The following SHCBP1L variants were observed in gnomAD, a reference collection of about 807,000 sequenced individuals.
SHCBP1L encodes the protein SHC binding and spindle associated 1 like.
SHCBP1L carries 67 observed loss-of-function variants against 62.5 expected under a neutral mutation model. The ratio of observed to expected loss-of-function variants is 1.07; its 90% CI spans 0.88 to 1.31. The LOEUF (loss-of-function observed/expected upper bound fraction) is 1.31, where lower values mean the gene tolerates loss of function less well. Among genes scored for constraint, SHCBP1L ranks in the 40% most tolerant of loss-of-function variants. SHCBP1L has a pLI of 0.00. For missense variants in SHCBP1L, 823 were observed against 809.8 expected (o/e 1.02, Z -0.20); for synonymous variants, 284 against 289.4 (o/e 0.98, Z 0.19).
At chr1:182,924,906 A>AG (rs1491398014) in intron 6 of SHCBP1L, among the ~76,000 whole-genome samples, 1,794 of 121,610 alleles carry the variant, frequency 0.015, 64 homozygotes, top group African/African-American at 0.054. Context: ...AGAGAGAGAG[A>AG]AAGAAAGGAA....
At chr1:182,924,497 C>T (rs1398316649) in intron 6 of SHCBP1L, among the ~76,000 whole-genome samples, 1 of 151,300 alleles carries the variant, frequency 6.6e-6, no homozygotes, top group Non-Finnish European at 1.5e-5. Flanking sequence ...CGGGTTTCAC[C>T]GTGTTAGCCA....
At chr1:182,928,528 T>C (rs1411375904) in intron 6 of SHCBP1L, among the ~76,000 whole-genome samples, 2 of 152,026 alleles carry the variant, frequency 1.3e-5, no homozygotes, top group Non-Finnish European at 1.5e-5. Flanking sequence ...AATATTTAAA[T>C]CAAGACCTGA....
At chr1:182,908,349 TGTAA>T (rs139117034) in intron 6 of SHCBP1L, among the ~76,000 whole-genome samples, 6,722 of 152,260 alleles carry the variant, frequency 0.044, 227 homozygotes, top group South Asian at 0.14. Flanking sequence ...AGCTCCTGCT[TGTAA>T]GTGAGAACAT....
At chr1:182,915,105 TG>T (rs1416595019) in intron 6 of SHCBP1L, among the ~76,000 whole-genome samples, 1 of 128,720 alleles carries the variant, frequency 7.8e-6, no homozygotes, top group Non-Finnish European at 1.5e-5. Context: ...GAAGTTGCAG[TG>T]AGCTGAGATC....
chr1:182,951,702 C>G (rs960542132), intron 1 of SHCBP1L, among the ~76,000 whole-genome samples: 23 of 152,090 alleles, frequency 1.5e-4, no homozygotes, highest in African/African-American at 5.1e-4. Context: ...ATAGATAAGA[C>G]AGCTAGTTAT....
At position 182,945,730 on chromosome 1, in the gene SHCBP1L, T is replaced by C. The variant is rs140210614; in HGVS notation, c.556-5187A>G. On this transcript the variant is annotated intron_variant, in intron 2 of 9. Transcript: ENST00000367547. Reference sequence around the variant, plus strand: ...TCACTTTCCCTAAAATTTTTGAAAATACATTTTCATAGCTTTTTAAAACTA... The same window carrying C: ...TCACTTTCCCTAAAATTTTTGAAAACACATTTTCATAGCTTTTTAAAACTA... 5.6e-3 allele frequency among the ~76,000 whole-genome samples: 846 copies of C among 152,308 alleles called. 20 individuals carry two copies. The highest frequency in any genetic ancestry group is 0.048 in the Admixed American group (732 of 15,302).
At chr1:182,916,167 A>G (rs1650351357) in intron 6 of SHCBP1L, among the ~76,000 whole-genome samples, 1 of 152,224 alleles carries the variant, frequency 6.6e-6, no homozygotes, top group Admixed American at 6.6e-5. Flanking sequence ...ATCTGAAGAT[A>G]CTTTGAGATA....
intron 6 of SHCBP1L, among the ~76,000 whole-genome samples, chr1:182,916,508 G>A (rs902971602): frequency 6.6e-6 from 1 of 152,012 alleles, no homozygotes; most frequent in Non-Finnish European, 1.5e-5. Flanking sequence ...AGATATGAAG[G>A]TAGATACATT....
chr1:182,951,437 AT>A lies in SHCBP1L; in HGVS notation c.435del (p.Lys145AsnfsTer7). On this transcript the variant is annotated frameshift_variant, in exon 2 of 10. Coordinates refer to ENST00000367547, the MANE Select transcript of SHCBP1L (RefSeq NM_030933.4). LOFTEE classifies it high-confidence loss of function. ...KAEDADEVMG[K>X]YLSEKLKLKD... Reference sequence around the variant, plus strand: ...TTCAACTTTAATTTTTCTGATAGGTATTTACCCATAACTTCATCAGCATCTT... The same window carrying A: ...TTCAACTTTAATTTTTCTGATAGGTATTACCCATAACTTCATCAGCATCTT... 1 of 1,602,322 alleles carries A rather than the reference AT, an allele frequency of 6.2e-7. No homozygotes were observed. The highest frequency in any genetic ancestry group is 1.3e-5 in the African/African-American group (1 of 74,822).
chr1:182,910,714 C>T (rs964549143), intron 6 of SHCBP1L, among the ~76,000 whole-genome samples: 5 of 152,204 alleles, frequency 3.3e-5, no homozygotes, highest in African/African-American at 4.8e-5. Context: ...CAAGAAGAAC[C>T]TAGGCTTGCA....
At chr1:182,924,707 A>G (rs1232201375) in intron 6 of SHCBP1L, among the ~76,000 whole-genome samples, 57 of 37,398 alleles carry the variant, frequency 1.5e-3, no homozygotes, top group African/African-American at 0.011. Context: ...AAAGGAAGAA[A>G]GAAAGAAAGA....
intron 5 of SHCBP1L, among the ~76,000 whole-genome samples, chr1:182,931,287 A>G (rs2101943690): frequency 6.6e-6 from 1 of 152,172 alleles, no homozygotes. Flanking sequence ...TAGCTGCTCC[A>G]AAAGTAAGAC....
intron 5 of SHCBP1L, among the ~76,000 whole-genome samples, chr1:182,934,705 T>C (rs982214309): frequency 6.6e-6 from 1 of 152,150 alleles, no homozygotes; most frequent in African/African-American, 2.4e-5. Context: ...ATGACTTTTT[T>C]CTCTCACATA....
intron 5 of SHCBP1L, 93 bp downstream of exon 5, chr1:182,939,083 C>A: frequency 2.0e-6 from 2 of 985,378 alleles, no homozygotes; most frequent in Non-Finnish European, 3.0e-6. Context: ...TTATACTTCA[C>A]TTTAATCAGA....
At chr1:182,902,216 A>AT (rs1476026946) in intron 9 of SHCBP1L, among the ~76,000 whole-genome samples, 8 of 151,294 alleles carry the variant, frequency 5.3e-5, no homozygotes, top group Admixed American at 3.3e-4. Flanking sequence ...CGGTTGGCTA[A>AT]TTTTTTTTGT....
chr1:182,951,412 T>C lies in SHCBP1L; in HGVS notation c.461A>G (p.Lys154Arg). 2 of 1,609,386 alleles carry C rather than the reference T, an allele frequency of 1.2e-6. No homozygotes were observed. Among genetic ancestry groups the C allele is most frequent in the Non-Finnish European group, 1.7e-6 (2 of 1,177,472 alleles). Residue 154 changes from lysine (K) to arginine (R), a missense_variant, in exon 2 of 10, where the codon AAA becomes AGA. Transcript: ENST00000367547. ...CTTCCAGACTCCAAGCCATTTGTCT[T>C]TCAACTTTAATTTTTCTGATAGGTA... ...GKYLSEKLKL[K>R]DKWLGVWKTN...
intron 6 of SHCBP1L, among the ~76,000 whole-genome samples, chr1:182,922,552 T>TA (rs201825711): frequency 0.013 from 1,704 of 132,380 alleles, 13 homozygotes; most frequent in African/African-American, 0.019. Flanking sequence ...AGACTCCATC[T>TA]AAAAAAAAAA....
chr1:182,929,493 T>C (rs969076665), intron 6 of SHCBP1L, among the ~76,000 whole-genome samples, 154 bp downstream of exon 6: 1 of 152,230 alleles, frequency 6.6e-6, no homozygotes, highest in Non-Finnish European at 1.5e-5. Context: ...ACCATTTATT[T>C]ATTTAGTATC....
chr1:182,942,820 A>C (rs1032133957), intron 2 of SHCBP1L, among the ~76,000 whole-genome samples: 4 of 152,230 alleles, frequency 2.6e-5, no homozygotes, highest in African/African-American at 7.2e-5. Context: ...AAATATTTTA[A>C]ATATCAGTAA....
Sources: gnomAD v4.1 joint callset for allele counts (sites outside exome capture counted in the v4.1 genomes callset) on GRCh38, gnomAD v4.1.1 for gene constraint, MANE v1.5 for transcripts, NCBI Gene and HGNC (gene_info 2026-07-23, HGNC 2026-07-21) for gene names.